Variants in JAKMIP1 observed in about 807,000 individuals in gnomAD.
JAKMIP1 encodes the protein janus kinase and microtubule interacting protein 1, also known as janus kinase and microtubule-interacting protein 1.
JAKMIP1 carries 33 observed loss-of-function variants against 113.0 expected under a neutral mutation model. That is an observed-to-expected ratio of 0.29 (90% CI 0.22 to 0.39). The LOEUF (loss-of-function observed/expected upper bound fraction) is 0.39. Ranked by LOEUF, JAKMIP1 falls within the 10% of genes least tolerant of loss-of-function variation. The pLI, the probability that JAKMIP1 is intolerant of heterozygous loss-of-function variation, is 1.00. For synonymous variants in JAKMIP1, 480 were observed against 459.9 expected (o/e 1.04, Z -0.56); for missense variants, 813 against 1,080.5 (o/e 0.75, Z 3.47).
chr4:6,169,159 T>G lies in JAKMIP1; in HGVS notation c.-148+31094A>C, dbSNP rs1167372799. Among the ~76,000 whole-genome samples, 5 of 152,222 alleles carry G rather than the reference T, an allele frequency of 3.3e-5. No homozygotes were observed. The East Asian group carries it at 9.6e-4, about 29-fold the overall frequency. ...TTATATCTCAGTAACGCTATTGTTT[T>G]AAAAATGTTCATGTATTGGGTTGAA... is the stretch of plus-strand genomic sequence containing the variant. On this transcript the variant is annotated intron_variant, in intron 1 of 20. Coordinates refer to ENST00000409021, the MANE Select transcript of JAKMIP1 (RefSeq NM_001099433.2).
At chr4:6,120,115 T>C (rs990757506) in intron 1 of JAKMIP1, among the ~76,000 whole-genome samples, 1 of 151,904 alleles carries the variant, frequency 6.6e-6, no homozygotes, top group Non-Finnish European at 1.5e-5. Context: ...ATGAATGGGC[T>C]AGGTTGGTAG....
intron 1 of JAKMIP1, 61 bp from the exon 2 acceptor site, chr4:6,113,058 C>T (rs1245179632): frequency 2.7e-6 from 2 of 729,392 alleles, no homozygotes; most frequent in Non-Finnish European, 4.2e-6. Context: ...GGTGTCCCTG[C>T]CTCGGGCACC....
rs997054721 is a variant in JAKMIP1, at chr4:6,054,142, T to G, written c.1714A>C (p.Arg572=). 1.9e-5 allele frequency: 31 copies of G among 1,614,056 alleles called. No individual in the cohort carries two copies. The highest frequency in any genetic ancestry group is 2.5e-5 in the Non-Finnish European group (30 of 1,180,010). The change falls in exon 13 of 21, where the codon AGA becomes CGA. Residue 572 remains arginine (R), a synonymous_variant. Transcript: ENST00000409021. ...AGCTGGTTCTCTTCCATTTCCAGTCTGTAAATCTAGAGCAAAGATACCTGC... is the reference window on the plus strand; with the variant it reads ...AGCTGGTTCTCTTCCATTTCCAGTCGGTAAATCTAGAGCAAAGATACCTGC... The part of the protein sequence containing the change: ...TNQDLLEKIY[R]LEMEENQLKN...
rs568236292 is a variant in JAKMIP1, at chr4:6,091,431, T to C, written c.625-5802A>G. 1.6e-4 allele frequency among the ~76,000 whole-genome samples: 25 copies of C among 152,246 alleles called. 1 individual carries two copies. The highest frequency in any genetic ancestry group is 1.6e-3 in the Admixed American group (25 of 15,292). ...AGAAGAACACATTTTACAAGTATCCTATTACAGAAACTATAAGCTGCTACA... is the reference window on the plus strand; with the variant it reads ...AGAAGAACACATTTTACAAGTATCCCATTACAGAAACTATAAGCTGCTACA... On this transcript the variant is annotated intron_variant, in intron 3 of 20. Coordinates refer to ENST00000409021, the MANE Select transcript of JAKMIP1 (RefSeq NM_001099433.2).
chr4:6,139,493 C>T lies in JAKMIP1; in HGVS notation c.-147-26496G>A, dbSNP rs908691412. ...TACAAAAAGAAGAAATGGGGCTGGT[C>T]GTGGTGGCTCACGCCTGTAACCCCA... On this transcript the variant is annotated intron_variant, in intron 1 of 20. Transcript: ENST00000409021. The surrounding 1 kb of genome is among the most constrained non-coding windows in gnomAD (Gnocchi z 5.2). 5.3e-5 allele frequency among the ~76,000 whole-genome samples: 8 copies of T among 151,924 alleles called. No homozygotes were observed. The highest frequency in any genetic ancestry group is 1.3e-4 in the Admixed American group (2 of 15,256).
chr4:6,071,170 T>C (rs1718899295), intron 8 of JAKMIP1, among the ~76,000 whole-genome samples: 2 of 152,222 alleles, frequency 1.3e-5, no homozygotes, highest in African/African-American at 4.8e-5. Context: ...TGCTACTCAA[T>C]TTAGTGCCGA....
intron 1 of JAKMIP1, among the ~76,000 whole-genome samples, chr4:6,161,553 G>GAAA (rs34013600): frequency 2.0e-5 from 3 of 147,734 alleles, no homozygotes; most frequent in African/African-American, 7.5e-5. Flanking sequence ...AAACTCAGTG[G>GAAA]AAAAAAAAAA....
Position 6,155,306 on chromosome 4 carries a change from A to G in JAKMIP1, c.-147-42309T>C, listed in dbSNP as rs1352110592. On this transcript the variant is annotated intron_variant, in intron 1 of 20. Transcript: ENST00000409021. The surrounding 1 kb of genome is among the most constrained non-coding windows in gnomAD (Gnocchi z 6.1). ...TAATACCAGCAACCACCACTCAACC[A>G]CCACCACCGCGAATGTTTACCCAGC... Among the ~76,000 whole-genome samples, 1 of 151,986 alleles carries G rather than the reference A, an allele frequency of 6.6e-6. No individual in the cohort carries two copies. The highest frequency in any genetic ancestry group is 2.4e-5 in the African/African-American group (1 of 41,376).
At chr4:6,111,006 C>T (rs1714845578) in intron 2 of JAKMIP1, among the ~76,000 whole-genome samples, 1 of 152,062 alleles carries the variant, frequency 6.6e-6, no homozygotes, top group Non-Finnish European at 1.5e-5. Context: ...ATGCACTCGG[C>T]CTGGAATCTT....
Position 6,036,945 on chromosome 4 carries a change from CCGGTATCCCTCCATCA to C in JAKMIP1, c.2176-854_2176-839del, listed in dbSNP as rs1169431906. Reference sequence around the variant, plus strand: ...CCTCCATCACCGAGGTAGAGGCTAACCGGTATCCCTCCATCACCGAGGCAGAGGCTAACCAGTATCC... The same window carrying C: ...CCTCCATCACCGAGGTAGAGGCTAACCCGAGGCAGAGGCTAACCAGTATCC... On this transcript the variant is annotated intron_variant, in intron 18 of 20. Coordinates refer to ENST00000409021, the MANE Select transcript of JAKMIP1 (RefSeq NM_001099433.2). Among the ~76,000 whole-genome samples the C allele has an allele frequency of 8.0e-5, 12 of 150,332 alleles. 1 individual carries two copies. Among genetic ancestry groups the C allele is most frequent in the African/African-American group, 2.9e-4 (12 of 41,082 alleles).
rs1229645170 is a variant in JAKMIP1 at position 6,184,783 on chromosome 4, G to C, written c.-148+15470C>G. ...ACTCGATTGGACAGAAGGATAGAAA[G>C]TATTGTTCCTGAGTGTGTCTGTGAG... On this transcript the variant is annotated intron_variant, in intron 1 of 20. Coordinates refer to ENST00000409021, the MANE Select transcript of JAKMIP1 (RefSeq NM_001099433.2). The surrounding 1 kb of genome is among the most constrained non-coding windows in gnomAD (Gnocchi z 4.5). Among the ~76,000 whole-genome samples the C allele has an allele frequency of 6.6e-6, 1 of 152,228 alleles. No individual in the cohort carries two copies. Among genetic ancestry groups the C allele is most frequent in the East Asian group, 1.9e-4 (1 of 5,194 alleles).
At chr4:6,130,396 C>T (rs189579739) in intron 1 of JAKMIP1, among the ~76,000 whole-genome samples, 87 of 152,334 alleles carry the variant, frequency 5.7e-4, no homozygotes, top group Non-Finnish European at 9.8e-4. Context: ...TTTGGAAAGG[C>T]AGACAGGCAG....
chr4:6,131,080 C>T (rs529120351), intron 1 of JAKMIP1, among the ~76,000 whole-genome samples: 4 of 142,122 alleles, frequency 2.8e-5, no homozygotes, highest in South Asian at 2.3e-4. Context: ...GAGGATCACC[C>T]GGGCTCAGGA....
At chr4:6,117,749 C>T (rs547097838) in intron 1 of JAKMIP1, among the ~76,000 whole-genome samples, 47 of 152,142 alleles carry the variant, frequency 3.1e-4, no homozygotes, top group African/African-American at 1.1e-3. Context: ...CAGAGACCTA[C>T]CCCTAGGTGC....
rs1719372928 is a variant in JAKMIP1 at position 6,137,203 on chromosome 4, GC to G, written c.-147-24207del. 6.6e-6 allele frequency among the ~76,000 whole-genome samples: 1 copy of G among 152,166 alleles called. No individual in the cohort carries two copies. Among genetic ancestry groups the G allele is most frequent in the Non-Finnish European group, 1.5e-5 (1 of 68,032 alleles). On this transcript the variant is annotated intron_variant, in intron 1 of 20. Coordinates refer to ENST00000409021, the MANE Select transcript of JAKMIP1 (RefSeq NM_001099433.2). The surrounding 1 kb of genome is among the most constrained non-coding windows in gnomAD (Gnocchi z 4.5). ...AGGGCTTGGAATCGAGCCACATGCAGCTCTGCCTCCTCCACCTGACAGGACA... is the reference window on the plus strand; with the variant it reads ...AGGGCTTGGAATCGAGCCACATGCAGTCTGCCTCCTCCACCTGACAGGACA...
chr4:6,067,936 C>G lies in JAKMIP1; in HGVS notation c.1303-2928G>C, dbSNP rs183068327. 3.6e-4 allele frequency among the ~76,000 whole-genome samples: 55 copies of G among 152,298 alleles called. No individual in the cohort carries two copies. Among genetic ancestry groups the G allele is most frequent in the Admixed American group, 2.9e-3 (44 of 15,292 alleles). On this transcript the variant is annotated intron_variant, in intron 8 of 20. Coordinates refer to ENST00000409021, the MANE Select transcript of JAKMIP1 (RefSeq NM_001099433.2). The surrounding 1 kb of genome is among the most constrained non-coding windows in gnomAD (Gnocchi z 4.6). ...CTTGTAAACACTGCTAACTGCAAGGCCTTTGGGGACGAGTCTGTTTGTTGC... is the reference window on the plus strand; with the variant it reads ...CTTGTAAACACTGCTAACTGCAAGGGCTTTGGGGACGAGTCTGTTTGTTGC...
Position 6,112,907 on chromosome 4 carries a change from C to T in JAKMIP1, c.-57G>A. ...GCGGTCCACACCTGTTCACGCACGC[C>T]AGCCAGCAGGCGTGGCTACCAGCTC... On this transcript the variant is annotated 5_prime_UTR_variant, in exon 2 of 21. The change creates a premature stop within an existing upstream ORF in the 5' untranslated region. Coordinates refer to ENST00000409021, the MANE Select transcript of JAKMIP1 (RefSeq NM_001099433.2). 1 of 1,580,794 alleles carries T rather than the reference C, an allele frequency of 6.3e-7. No individual in the cohort carries two copies. The highest frequency in any genetic ancestry group is 8.6e-7 in the Non-Finnish European group (1 of 1,160,008).
Position 6,035,898 on chromosome 4 carries a change from G to C in JAKMIP1, c.2379+6C>G. On this transcript the variant is annotated splice_donor_region_variant and intron_variant, in intron 19 of 20. Transcript: ENST00000409021. Reference sequence around the variant, plus strand: ...TGCTGTGGGCACAGCCGCTGTTGCCGCCTACCTGCTGGGCCTGCTGCAGCA... The same window carrying C: ...TGCTGTGGGCACAGCCGCTGTTGCCCCCTACCTGCTGGGCCTGCTGCAGCA... The C allele has an allele frequency of 1.3e-6, 2 of 1,546,300 alleles. No individual in the cohort carries two copies. The highest frequency in any genetic ancestry group is 2.4e-5 in the South Asian group (2 of 83,820).
At chr4:6,029,948 G>A (rs1712379545) in intron 19 of JAKMIP1, among the ~76,000 whole-genome samples, 167 bp from the exon 20 acceptor site, 1 of 152,182 alleles carries the variant, frequency 6.6e-6, no homozygotes, top group Admixed American at 6.5e-5. Context: ...ACCGCCCAAA[G>A]CAAGACAGAG....
Sources: allele counts gnomAD v4.1 joint callset (sites outside exome capture counted in the v4.1 genomes callset), GRCh38; gene constraint gnomAD v4.1.1; non-coding constraint Gnocchi (gnomAD v3.1); transcripts MANE v1.5; gene names NCBI Gene and HGNC (gene_info 2026-07-23, HGNC 2026-07-21).